Variants in LAMC1 observed in about 807,000 individuals in gnomAD.
LAMC1 encodes the protein laminin subunit gamma-1.
Under a neutral mutation model 173.6 loss-of-function variants are expected in LAMC1, and 38 were observed. That is an observed-to-expected ratio of 0.22 (90% CI 0.17 to 0.29). The LOEUF (loss-of-function observed/expected upper bound fraction) is 0.29. Among genes scored for constraint, LAMC1 ranks in the 10% least tolerant of loss-of-function variants. The pLI, the probability that LAMC1 is intolerant of heterozygous loss-of-function variation, is 1.00. For synonymous variants in LAMC1, 746 were observed against 749.1 expected, an observed-to-expected ratio of 1.00 and a Z score of 0.07; for missense variants, 1,824 against 2,051.8, an observed-to-expected ratio of 0.89 and a Z score of 2.14.
chr1:183,094,642 TG>T (rs1171631019), intron 1 of LAMC1, among the ~76,000 whole-genome samples: 1 of 152,240 alleles, frequency 6.6e-6, no homozygotes, highest in East Asian at 1.9e-4. Context: ...TGGGTGGCTG[TG>T]GTAAGAAATT....
intron 1 of LAMC1, among the ~76,000 whole-genome samples, chr1:183,031,364 G>A (rs1653844419): frequency 1.3e-5 from 2 of 152,176 alleles, no homozygotes; most frequent in African/African-American, 4.8e-5. Context: ...GAGTGCAGTG[G>A]CACGATCTTG....
intron 11 of LAMC1, 107 bp downstream of exon 11, chr1:183,118,253 G>GTTA: frequency 3.3e-6 from 2 of 610,324 alleles, no homozygotes; most frequent in Non-Finnish European, 5.7e-6. Flanking sequence ...ACTGAGAAGT[G>GTTA]TATAACAACT....
rs140861878 is a variant in LAMC1, at chr1:183,135,336, G to C, written c.4114+180G>C. On this transcript the variant is annotated intron_variant, in intron 24 of 27. Coordinates refer to ENST00000258341, the MANE Select transcript of LAMC1 (RefSeq NM_002293.4). Reference sequence around the variant, plus strand: ...TTTTATCCCTGCATACTTCAGTATGGATTTTTTTTTAAAGATGTTTTCTTA... The same window carrying C: ...TTTTATCCCTGCATACTTCAGTATGCATTTTTTTTTAAAGATGTTTTCTTA... Among the ~76,000 whole-genome samples the C allele has an allele frequency of 2.0e-5, 3 of 152,182 alleles. No individual in the cohort carries two copies. The East Asian group carries it at 5.8e-4, about 29-fold the overall frequency.
At chr1:183,063,773 T>C (rs773759317) in intron 1 of LAMC1, among the ~76,000 whole-genome samples, 1 of 152,214 alleles carries the variant, frequency 6.6e-6, no homozygotes, top group Non-Finnish European at 1.5e-5. Flanking sequence ...GATGAACTTA[T>C]CAAATACAGA....
intron 1 of LAMC1, among the ~76,000 whole-genome samples, chr1:183,051,575 G>C (rs769564087): frequency 4.6e-5 from 7 of 152,214 alleles, no homozygotes; most frequent in Non-Finnish European, 1.0e-4. Context: ...GTAGCTTGTT[G>C]TGCAGCAGTA....
rs763220131 is a variant in LAMC1 at position 183,128,559 on chromosome 1, C to T, written c.3124-35C>T. 1.9e-6 allele frequency: 3 copies of T among 1,583,284 alleles called. No individual in the cohort carries two copies. The South Asian group carries it at 3.5e-5, about 18-fold the overall frequency. On this transcript the variant is annotated intron_variant, in intron 17 of 27. Coordinates refer to ENST00000258341, the MANE Select transcript of LAMC1 (RefSeq NM_002293.4). The stretch of plus-strand genomic sequence containing the variant: ...GAGTTCTTCAGGAATACTTGTGTGT[C>T]CTACCTTTCCCTTTTCTTTCTTCTT...
chr1:183,110,614 G>C lies in LAMC1; in HGVS notation c.981G>C (p.Pro327=). The change falls in exon 4 of 28, where the codon CCG becomes CCC. Residue 327 remains proline (P), a synonymous_variant. Coordinates refer to ENST00000258341, the MANE Select transcript of LAMC1 (RefSeq NM_002293.4). ...EKCLPFFNDR[P]WRRATAESAS... ...GTCTTCCTTTCTTCAATGACCGGCCGTGGAGGAGGGCAACTGCGGAAAGTG... is the reference window on the plus strand; with the variant it reads ...GTCTTCCTTTCTTCAATGACCGGCCCTGGAGGAGGGCAACTGCGGAAAGTG... The C allele has an allele frequency of 6.2e-7, 1 of 1,613,976 alleles. No homozygotes were observed. The highest frequency in any genetic ancestry group is 8.5e-7 in the Non-Finnish European group (1 of 1,179,882).
At chr1:183,082,353 T>C (rs1342633941) in intron 1 of LAMC1, among the ~76,000 whole-genome samples, 2 of 152,210 alleles carry the variant, frequency 1.3e-5, no homozygotes, top group African/African-American at 4.8e-5. Context: ...AGCTGTACCA[T>C]TTTGCATTCC....
chr1:183,089,546 G>T (rs981631074), intron 1 of LAMC1, among the ~76,000 whole-genome samples: 9 of 152,134 alleles, frequency 5.9e-5, no homozygotes, highest in African/African-American at 2.2e-4. Context: ...ATATTTATCT[G>T]CCAAACTCTT....
At chr1:183,030,984 C>A (rs1200273953) in intron 1 of LAMC1, among the ~76,000 whole-genome samples, 1 of 152,088 alleles carries the variant, frequency 6.6e-6, no homozygotes, top group Non-Finnish European at 1.5e-5. Context: ...ACGACGTAGA[C>A]CCTATCTCAA....
At chr1:183,051,039 TA>T (rs1237456962) in intron 1 of LAMC1, among the ~76,000 whole-genome samples, 1 of 112,562 alleles carries the variant, frequency 8.9e-6, no homozygotes, top group African/African-American at 2.7e-5. Context: ...CCTTTCAAAT[TA>T]TTTTTTTATC....
At chr1:183,137,541 A>G (rs1656980154) in intron 25 of LAMC1, 128 bp from the exon 26 acceptor site, 1 of 523,924 alleles carries the variant, frequency 1.9e-6, no homozygotes, top group Admixed American at 4.0e-5. Flanking sequence ...ATGAGATAGT[A>G]TAAATCAATA....
chr1:183,041,373 A>G (rs1187022912), intron 1 of LAMC1, among the ~76,000 whole-genome samples: 6 of 151,996 alleles, frequency 3.9e-5, no homozygotes, highest in Admixed American at 3.9e-4. Flanking sequence ...CTACTTCCTA[A>G]TCATCTTTAA....
chr1:183,142,830 G>A lies in LAMC1; in HGVS notation c.*40G>A. ...GAAGGCAGCATCCCTCTGACAGGGG[G>A]GCAGTTGTGAGGCCACAGAGTGCCT... On this transcript the variant is annotated 3_prime_UTR_variant, in exon 28 of 28. Transcript: ENST00000258341. 1 of 1,565,780 alleles carries A rather than the reference G, an allele frequency of 6.4e-7. No individual in the cohort carries two copies. The highest frequency in any genetic ancestry group is 8.6e-7 in the Non-Finnish European group (1 of 1,158,080).
In LAMC1 at chr1:183,127,354, T is replaced by G; in HGVS notation, c.3073T>G (p.Trp1025Gly). ...AGAAAACTATTTCTACAATCGGTCT[T>G]GGCCTGGCTGCCAGGAATGTCCAGC... ...CEENYFYNRSWPGCQECPACY... is the reference protein window; with the variant it reads ...CEENYFYNRSGPGCQECPACY... Residue 1025 changes from tryptophan (W) to glycine (G), a missense_variant, in exon 17 of 28, where the codon TGG becomes GGG. Physicochemically the swap from Trp to Gly is radical, Grantham distance 184 (BLOSUM62 -2). Transcript: ENST00000258341. The G allele has an allele frequency of 6.2e-7, 1 of 1,614,170 alleles. No homozygotes were observed. Among genetic ancestry groups the G allele is most frequent in the Non-Finnish European group, 8.5e-7 (1 of 1,180,016 alleles).
chr1:183,122,566 C>G (rs1656506191), intron 13 of LAMC1, among the ~76,000 whole-genome samples: 1 of 152,144 alleles, frequency 6.6e-6, no homozygotes. Context: ...ATTTCCAGCC[C>G]TGGCACCTCT....
At chr1:183,086,282 T>C (rs1055178881) in intron 1 of LAMC1, among the ~76,000 whole-genome samples, 3 of 152,230 alleles carry the variant, frequency 2.0e-5, no homozygotes, top group African/African-American at 7.2e-5. Flanking sequence ...CATAAGTCAA[T>C]GGGGTCTTTG....
intron 1 of LAMC1, among the ~76,000 whole-genome samples, chr1:183,048,805 C>T (rs898322469): frequency 6.6e-6 from 1 of 152,130 alleles, no homozygotes; most frequent in Non-Finnish European, 1.5e-5. Flanking sequence ...CATCCTCACA[C>T]GTGTCTTTTA....
At chr1:183,056,206 G>C (rs1654592302) in intron 1 of LAMC1, among the ~76,000 whole-genome samples, 1 of 152,148 alleles carries the variant, frequency 6.6e-6, no homozygotes, top group Non-Finnish European at 1.5e-5. Context: ...AGGCCTCCTT[G>C]GATATAAAGT....
Sources: allele counts gnomAD v4.1 joint callset (sites outside exome capture counted in the v4.1 genomes callset), GRCh38; gene constraint gnomAD v4.1.1; transcripts MANE v1.5; gene names NCBI Gene and HGNC (gene_info 2026-07-23, HGNC 2026-07-21).